The following CSNK1E variants were observed in gnomAD, a reference collection of about 807,000 sequenced individuals.
CSNK1E encodes casein kinase 1 epsilon.
A neutral mutation model predicts 46.1 loss-of-function variants in CSNK1E; 17 were observed. The observed-to-expected ratio is 0.37, with a 90% CI of 0.25 to 0.55. The LOEUF (loss-of-function observed/expected upper bound fraction) is 0.55, where lower values mean the gene tolerates loss of function less well. CSNK1E is among the 20% of genes least tolerant of loss of function. CSNK1E has a pLI of 0.82. For synonymous variants in CSNK1E, 241 were observed against 242.6 expected (o/e 0.99, Z 0.06); for missense variants, 386 against 595.4 (o/e 0.65, Z 3.66).
intron 7 of CSNK1E, chr22:38,296,998 T>C: frequency 1.5e-6 from 1 of 661,566 alleles, no homozygotes; most frequent in East Asian, 2.7e-5. Flanking sequence ...GGTCTTAAAC[T>C]CCTGACCTCA....
chr22:38,298,962 G>T lies in CSNK1E; in HGVS notation c.737-28C>A, dbSNP rs746638209. On this transcript the variant is annotated intron_variant, in intron 6 of 10. Transcript: ENST00000396832. This position sits in a 1 kb window ranked among gnomAD's most constrained non-coding sequence, Gnocchi z 4.2. ...GGAGGGTGTTGCAGAGGATAGAGAAGGCCACTGTGAGGCCCACGCTCCCAG... is the reference window on the plus strand; with the variant it reads ...GGAGGGTGTTGCAGAGGATAGAGAATGCCACTGTGAGGCCCACGCTCCCAG... 1 of 1,613,342 alleles carries T rather than the reference G, an allele frequency of 6.2e-7. No homozygotes were observed. The highest frequency in any genetic ancestry group is 1.7e-5 in the Admixed American group (1 of 60,004).
chr22:38,313,324 A>T (rs2092729038), intron 2 of CSNK1E, among the ~76,000 whole-genome samples: 1 of 152,196 alleles, frequency 6.6e-6, no homozygotes, highest in African/African-American at 2.4e-5. Flanking sequence ...CACTCCAGCA[A>T]CTTCAAGCCT....
intron 2 of CSNK1E, among the ~76,000 whole-genome samples, chr22:38,304,084 T>C (rs1406407453): frequency 6.6e-6 from 1 of 152,072 alleles, no homozygotes; most frequent in Admixed American, 6.6e-5. Flanking sequence ...TTTCCCTGGC[T>C]GTATGGGTGG....
At position 38,300,549 on chromosome 22, in the gene CSNK1E, C is replaced by G. The variant is rs993575301; in HGVS notation, c.565+175G>C. ...ACAGCTTGGCTTACGAAGGGGAAGA[C>G]CCGACTGTGCAAGGACACGGAATAA... On this transcript the variant is annotated intron_variant, in intron 5 of 10. Transcript: ENST00000396832. This position sits in a 1 kb window ranked among gnomAD's most constrained non-coding sequence, Gnocchi z 4.4. 6.6e-6 allele frequency among the ~76,000 whole-genome samples: 1 copy of G among 152,204 alleles called. No individual in the cohort carries two copies. The highest frequency in any genetic ancestry group is 2.4e-5 in the African/African-American group (1 of 41,442).
chr22:38,312,715 A>G (rs950551088), intron 2 of CSNK1E, among the ~76,000 whole-genome samples: 1 of 152,204 alleles, frequency 6.6e-6, no homozygotes, highest in Non-Finnish European at 1.5e-5. Flanking sequence ...CTGTCATTTC[A>G]TCTCTGCCTT....
chr22:38,313,191 T>C (rs1383354097), intron 2 of CSNK1E, among the ~76,000 whole-genome samples: 1 of 152,210 alleles, frequency 6.6e-6, no homozygotes, highest in African/African-American at 2.4e-5. Flanking sequence ...TGGTGTTCTC[T>C]GCACTGGACA....
At chr22:38,308,772 T>C (rs1405018502) in intron 2 of CSNK1E, among the ~76,000 whole-genome samples, 1 of 151,952 alleles carries the variant, frequency 6.6e-6, no homozygotes, top group African/African-American at 2.4e-5. Context: ...CTGCAAGGGC[T>C]CCTGGCTCCC....
intron 7 of CSNK1E, chr22:38,295,319 CT>C (rs2092634446): frequency 1.6e-6 from 1 of 634,344 alleles, no homozygotes; most frequent in African/African-American, 2.0e-5. Flanking sequence ...ACTGCCGCCC[CT>C]GGTGCAGGAG....
chr22:38,311,808 C>CT (rs71296618), intron 2 of CSNK1E, among the ~76,000 whole-genome samples: 10,780 of 140,286 alleles, frequency 0.077, 564 homozygotes, highest in Admixed American at 0.17. Flanking sequence ...TTCTTTCCTT[C>CT]TTTTTTTTTT....
intron 7 of CSNK1E, chr22:38,296,817 G>A: frequency 8.9e-7 from 1 of 1,127,194 alleles, no homozygotes; most frequent in Admixed American, 2.3e-5. Context: ...GGATGTGGTG[G>A]CCACTGGAGG....
At chr22:38,314,493 G>T (rs2073924464) in intron 1 of CSNK1E, among the ~76,000 whole-genome samples, 1 of 152,068 alleles carries the variant, frequency 6.6e-6, no homozygotes, top group Admixed American at 6.5e-5. Context: ...TACCCCCCAG[G>T]CTCCCACAGC....
rs772177759 is a variant in CSNK1E, at chr22:38,300,680, C to T, written c.565+44G>A. 20 of 1,574,576 alleles carry T rather than the reference C, an allele frequency of 1.3e-5. No homozygotes were observed. In the South Asian group the frequency reaches 2.2e-4, roughly 18 times the overall value. Reference sequence around the variant, plus strand: ...AGGGCTCCAGAGAGCTGGGCCCCAGCCAGTGGCCCCGGGTGCACACTGCTC... The same window carrying T: ...AGGGCTCCAGAGAGCTGGGCCCCAGTCAGTGGCCCCGGGTGCACACTGCTC... On this transcript the variant is annotated intron_variant, in intron 5 of 10. Transcript: ENST00000396832. The surrounding 1 kb of genome is among the most constrained non-coding windows in gnomAD (Gnocchi z 4.4).
chr22:38,305,493 A>G (rs906855740), intron 2 of CSNK1E, among the ~76,000 whole-genome samples: 2 of 148,952 alleles, frequency 1.3e-5, no homozygotes, highest in African/African-American at 5.0e-5. Flanking sequence ...CTGCATGGCA[A>G]AAACACCGGA....
chr22:38,306,273 G>A (rs1373843601), intron 2 of CSNK1E, among the ~76,000 whole-genome samples: 2 of 152,200 alleles, frequency 1.3e-5, no homozygotes, highest in Non-Finnish European at 1.5e-5. Flanking sequence ...GGGTCAGGGA[G>A]GAAGGGGTGG....
rs188021900 is a variant in CSNK1E, at chr22:38,291,444, G to A, written c.*527C>T. The A allele has an allele frequency of 2.9e-3, 439 of 152,930 alleles. 3 individuals are homozygous for A. The highest frequency in any genetic ancestry group is 0.01 in the African/African-American group (420 of 41,584). The allele number at this position is 152,930 out of a possible 1,614,324, so 9.5% of individuals were successfully genotyped here. On this transcript the variant is annotated 3_prime_UTR_variant, in exon 11 of 11. Transcript: ENST00000396832. ...GGAGCCTGGAGGCCAGGGGGACAAT[G>A]GAAAAGCCCAGCACGGGAAGTCAGC...
At position 38,317,431 on chromosome 22, in the gene CSNK1E, C is replaced by G. The variant is rs2092754513; in HGVS notation, c.-284G>C. 1 of 132,672 alleles carries G rather than the reference C, an allele frequency of 7.5e-6. No homozygotes were observed. Among genetic ancestry groups the G allele is most frequent in the African/African-American group, 2.7e-5 (1 of 36,884 alleles). The allele number at this position is 132,672 out of a possible 1,614,324, so 8.2% of individuals were successfully genotyped here. ...CGCCCCCGCCGCCGGCTCGCGCGCTCTCGCACCGCGCGCGCCCGCCGGCTC... is the reference window on the plus strand; with the variant it reads ...CGCCCCCGCCGCCGGCTCGCGCGCTGTCGCACCGCGCGCGCCCGCCGGCTC... On this transcript the variant is annotated 5_prime_UTR_variant, in exon 1 of 11. Transcript: ENST00000396832.
intron 1 of CSNK1E, among the ~76,000 whole-genome samples, chr22:38,315,571 C>T (rs983330788): frequency 1.3e-5 from 2 of 151,984 alleles, no homozygotes; most frequent in Admixed American, 6.6e-5. Context: ...TCCAGCTTCC[C>T]GAGTGTGTAC....
chr22:38,301,076 G>T, intron 4 of CSNK1E, 124 bp from the exon 5 acceptor site: 1 of 764,846 alleles, frequency 1.3e-6, no homozygotes, highest in South Asian at 1.7e-5. Flanking sequence ...GACCATGAAG[G>T]ATAACTAAGG....
chr22:38,297,687 T>C (rs2092648210), intron 7 of CSNK1E: 6 of 994,644 alleles, frequency 6.0e-6, no homozygotes, highest in Non-Finnish European at 7.2e-6. Context: ...CTGGGACCCG[T>C]TCCCACCAGG....
Sources: gnomAD v4.1 joint callset for allele counts (sites outside exome capture counted in the v4.1 genomes callset) on GRCh38, gnomAD v4.1.1 for gene constraint, Gnocchi (gnomAD v3.1) non-coding constraint, MANE v1.5 for transcripts, NCBI Gene and HGNC (gene_info 2026-07-23, HGNC 2026-07-21) for gene names.